PPP3R2: variants seen among roughly 807,000 people sequenced by gnomAD.
PPP3R2 encodes the protein protein phosphatase 3 regulatory subunit B, beta.
For missense variants in PPP3R2, 225 were observed against 217.4 expected (o/e 1.03, Z -0.22); for synonymous variants, 91 against 91.5 (o/e 0.99, Z 0.03).
At position 101,594,883 on chromosome 9, in the gene PPP3R2, G is replaced by C. The variant is rs780508709; in HGVS notation, c.39C>G (p.Ser13=). 71 of 1,601,314 alleles carry C rather than the reference G, an allele frequency of 4.4e-5. 1 individual carries two copies. In the South Asian group the frequency reaches 7.8e-4, roughly 18 times the overall value. ...NEASYPAEMC[S]HFDNDEIKRL... is the part of the protein sequence containing the mutation. ...TTTTAATTTCATCATTGTCAAAGTG[G>C]GAGCACATCTCCGCCGGGTAACTGG... The change falls in exon 1 of 1, where the codon TCC becomes TCG. Residue 13 remains serine, a synonymous_variant. Coordinates refer to ENST00000374806, the MANE Select transcript of PPP3R2 (RefSeq NM_147180.4).
rs57596144 is a variant in PPP3R2 at position 101,593,443 on chromosome 9, T to A, written c.*966A>T. ...TCTGCTGTGGAGACACAATTGTCAG[T>A]CTCTGCATCTGTGAGCAACAGACAT... On this transcript the variant is annotated 3_prime_UTR_variant, in exon 1 of 1. Coordinates refer to ENST00000374806, the MANE Select transcript of PPP3R2 (RefSeq NM_147180.4). 0.1 allele frequency: 15,839 copies of A among 152,290 alleles called. 879 individuals carry two copies. The highest frequency in any genetic ancestry group is 0.14 in the Middle Eastern group (42 of 294). The allele number at this position is 152,290 out of a possible 1,614,324, so 9.4% of individuals were successfully genotyped here. A position where few individuals can be genotyped will look rare whatever the true frequency, so the allele number is the denominator to read the frequency against.
Position 101,594,402 on chromosome 9 carries a change from A to G in PPP3R2, c.*7T>C. 1 of 1,585,736 alleles carries G rather than the reference A, an allele frequency of 6.3e-7. No individual in the cohort carries two copies. Among genetic ancestry groups the G allele is most frequent in the Non-Finnish European group, 8.6e-7 (1 of 1,163,630 alleles). ...AAGTTGTTGGGTGGTGCTTGTAAGA[A>G]AAAGGCTCATACGATGAGGACCAGC... is the stretch of plus-strand genomic sequence containing the variant. On this transcript the variant is annotated 3_prime_UTR_variant, in exon 1 of 1. Transcript: ENST00000374806.
chr9:101,592,393 C>G lies in PPP3R2; in HGVS notation c.*2016G>C, dbSNP rs1478111002. 6.6e-6 allele frequency: 1 copy of G among 152,148 alleles called. No individual in the cohort carries two copies. Among genetic ancestry groups the G allele is most frequent in the African/African-American group, 2.4e-5 (1 of 41,408 alleles). 9.4% of individuals were successfully genotyped at this position (152,148 alleles called of 1,614,324 possible). On this transcript the variant is annotated 3_prime_UTR_variant, in exon 1 of 1. Coordinates refer to ENST00000374806, the MANE Select transcript of PPP3R2 (RefSeq NM_147180.4). The stretch of plus-strand genomic sequence containing the variant: ...AGTTGAATGAAAGTGGAATTGTGCT[C>G]CAGGTGTGTTGCATGCCTTTTTGAA...
rs775485051 is a variant in PPP3R2 at position 101,594,804 on chromosome 9, C to T, written c.118G>A (p.Val40Met). The stretch of plus-strand genomic sequence containing the variant: ...TCCGGCAGGGACATGAACTCCTCCA[C>T]GCTCAGAGACCCTGATTTGTCCAAG... ...LDLDKSGSLS[V>M]EEFMSLPELR... Residue 40 changes from valine to methionine, a missense_variant, in exon 1 of 1, where the codon GTG becomes ATG. Transcript: ENST00000374806. 4 of 1,612,764 alleles carry T rather than the reference C, an allele frequency of 2.5e-6. No homozygotes were observed. The highest frequency in any genetic ancestry group is 1.3e-5 in the African/African-American group (1 of 74,932).
In PPP3R2 at chr9:101,594,907, G is replaced by A; in HGVS notation, c.15C>T (p.Ala5=). The change falls in exon 1 of 1, where the codon GCC becomes GCT. Residue 5 remains alanine, a synonymous_variant. Transcript: ENST00000374806. MGNE[A]SYPAEMCSHF... is the part of the protein sequence containing the mutation. The stretch of plus-strand genomic sequence containing the variant: ...GGGAGCACATCTCCGCCGGGTAACT[G>A]GCCTCGTTTCCCATTGTGGACATCT... The A allele has an allele frequency of 6.3e-7, 1 of 1,599,400 alleles. No individual in the cohort carries two copies. The highest frequency in any genetic ancestry group is 8.5e-7 in the Non-Finnish European group (1 of 1,179,642).
At position 101,594,861 on chromosome 9, in the gene PPP3R2, T is replaced by C. The variant is rs1212935879; in HGVS notation, c.61A>G (p.Lys21Glu). ...TTCTTAAACCTCCTGCCCAGCCTTT[T>C]AATTTCATCATTGTCAAAGTGGGAG... is the stretch of plus-strand genomic sequence containing the variant. ...MCSHFDNDEI[K>E]RLGRRFKKLD... Residue 21 changes from lysine (K) to glutamate (E), a missense_variant, in exon 1 of 1, where the codon AAA (lysine) becomes GAA (glutamate). Lys to Glu is a moderately conservative substitution (Grantham distance 56). Coordinates refer to ENST00000374806, the MANE Select transcript of PPP3R2 (RefSeq NM_147180.4). The C allele has an allele frequency of 6.2e-7, 1 of 1,604,438 alleles. No individual in the cohort carries two copies. The highest frequency in any genetic ancestry group is 2.2e-5 in the East Asian group (1 of 44,880).
rs200803443 is a variant in PPP3R2, at chr9:101,594,634, G to A, written c.288C>T (p.Phe96=). The change falls in exon 1 of 1, where the codon TTC becomes TTT. Residue 96 remains phenylalanine, a synonymous_variant. Coordinates refer to ENST00000374806, the MANE Select transcript of PPP3R2 (RefSeq NM_147180.4). ...CATCTTTATCCATGTCGTAAATGCT[G>A]AACGCAAACCTCAACTTCTGCTCCT... ...GDEEQKLRFA[F]SIYDMDKDGY... is the part of the protein sequence containing the mutation. 1.2e-6 allele frequency: 2 copies of A among 1,614,192 alleles called. No homozygotes were observed. The highest frequency in any genetic ancestry group is 1.7e-5 in the Admixed American group (1 of 60,022).
chr9:101,594,498 T>C lies in PPP3R2; in HGVS notation c.424A>G (p.Lys142Glu). 2 of 1,614,184 alleles carry C rather than the reference T, an allele frequency of 1.2e-6. No individual in the cohort carries two copies. Among genetic ancestry groups the C allele is most frequent in the Non-Finnish European group, 1.7e-6 (2 of 1,180,034 alleles). ...LVDKTIIILDKDGDGKISFEE... is the reference protein window; with the variant it reads ...LVDKTIIILDEDGDGKISFEE... Reference sequence around the variant, plus strand: ...AAGGATATCTTCCCATCGCCATCCTTGTCCAGGATGATGATGGTTTTGTCG... The same window carrying C: ...AAGGATATCTTCCCATCGCCATCCTCGTCCAGGATGATGATGGTTTTGTCG... Residue 142 changes from lysine to glutamate, a missense_variant, in exon 1 of 1, where the codon AAG becomes GAG. By Grantham distance (56) the Lys-to-Glu change is moderately conservative (BLOSUM62 1). Coordinates refer to ENST00000374806, the MANE Select transcript of PPP3R2 (RefSeq NM_147180.4).
Position 101,594,682 on chromosome 9 carries a change from G to A in PPP3R2, c.240C>T (p.Ser80=). The A allele has an allele frequency of 6.2e-7, 1 of 1,614,140 alleles. No individual in the cohort carries two copies. Among genetic ancestry groups the A allele is most frequent in the Non-Finnish European group, 8.5e-7 (1 of 1,180,040 alleles). Residue 80 remains serine (S), a synonymous_variant, in exon 1 of 1, where the codon TCC becomes TCT. Transcript: ENST00000374806. ...CCTCGTCGCCCTTGACGCTGAACTG[G>A]GAGGTCCCCAGGATGAATTCCTTGA... ...VDFKEFILGT[S]QFSVKGDEEQ... is the part of the protein sequence containing the mutation.
At position 101,594,834 on chromosome 9, in the gene PPP3R2, A is replaced by G. The variant is rs1564121691; in HGVS notation, c.88T>C (p.Leu30=). ...AGAGACCCTGATTTGTCCAAGTCCA[A>G]CTTCTTAAACCTCCTGCCCAGCCTT... ...IKRLGRRFKK[L]DLDKSGSLSV... Residue 30 remains leucine (L), a synonymous_variant, in exon 1 of 1, where the codon TTG becomes CTG. Transcript: ENST00000374806. The G allele has an allele frequency of 2.5e-6, 4 of 1,609,500 alleles. No homozygotes were observed. The highest frequency in any genetic ancestry group is 1.3e-5 in the African/African-American group (1 of 75,046).
chr9:101,594,543 A>G lies in PPP3R2; in HGVS notation c.379T>C (p.Trp127Arg), dbSNP rs989671822. Residue 127 changes from tryptophan (W) to arginine (R), a missense_variant, in exon 1 of 1, where the codon TGG becomes CGG. Trp to Arg is a moderately radical substitution (Grantham distance 101). Coordinates refer to ENST00000374806, the MANE Select transcript of PPP3R2 (RefSeq NM_147180.4). ...KMMVGNNLTD[W>R]QLQQLVDKTI... ...TTGTCGACCAGCTGCTGGAGCTGCC[A>G]GTCCGTCAGGTTGTTGCCCACCATC... The G allele has an allele frequency of 5.6e-6, 9 of 1,614,054 alleles. No homozygotes were observed. The African/African-American group carries it at 8.0e-5, about 14-fold the overall frequency.
Position 101,594,186 on chromosome 9 carries a change from A to G in PPP3R2, c.*223T>C, listed in dbSNP as rs1828074548. On this transcript the variant is annotated 3_prime_UTR_variant, in exon 1 of 1. Coordinates refer to ENST00000374806, the MANE Select transcript of PPP3R2 (RefSeq NM_147180.4). ...AGCCATTTCCTTTTCTTTCCCCACT[A>G]TGCTCATTTGACTTGCTCTTCCCCC... 1 of 496,676 alleles carries G rather than the reference A, an allele frequency of 2.0e-6. No homozygotes were observed. Among genetic ancestry groups the G allele is most frequent in the Admixed American group, 3.8e-5 (1 of 26,562 alleles). 30.8% of individuals were successfully genotyped at this position (496,676 alleles called of 1,614,324 possible).
chr9:101,592,754 C>CTTTTTT lies in PPP3R2; in HGVS notation c.*1649_*1654dup, dbSNP rs11331695. The CTTTTTT allele has an allele frequency of 7.0e-6, 1 of 143,178 alleles. No individual in the cohort carries two copies. The highest frequency in any genetic ancestry group is 1.5e-5 in the Non-Finnish European group (1 of 65,124). 8.9% of individuals were successfully genotyped at this position (143,178 alleles called of 1,614,324 possible). On this transcript the variant is annotated 3_prime_UTR_variant, in exon 1 of 1. Coordinates refer to ENST00000374806, the MANE Select transcript of PPP3R2 (RefSeq NM_147180.4). ...CCCTACAAGTGATTAAATTTGTGGA[C>CTTTTTT]TTTTTTTTTTTTTTTCTATTTTGGT... is the stretch of plus-strand genomic sequence containing the variant.
Position 101,594,896 on chromosome 9 carries a change from G to C in PPP3R2, c.26C>G (p.Ala9Gly), listed in dbSNP as rs1336161046. ...ATTGTCAAAGTGGGAGCACATCTCC[G>C]CCGGGTAACTGGCCTCGTTTCCCAT... Reference protein sequence around the residue: MGNEASYPAEMCSHFDNDE... With the variant: MGNEASYPGEMCSHFDNDE... Residue 9 changes from alanine to glycine, a missense_variant, in exon 1 of 1, where the codon GCG (alanine) becomes GGG (glycine). By Grantham distance (60) the Ala-to-Gly change is moderately conservative. Transcript: ENST00000374806. 2 of 1,600,214 alleles carry C rather than the reference G, an allele frequency of 1.2e-6. No individual in the cohort carries two copies. Among genetic ancestry groups the C allele is most frequent in the South Asian group, 1.1e-5 (1 of 91,064 alleles).
Position 101,593,328 on chromosome 9 carries a change from G to T in PPP3R2, c.*1081C>A, listed in dbSNP as rs41282159. ...CACTGAATGTTCCACTAGGGAAAAG[G>T]CTTCCTGGAATGAGAGAGCTCTCAG... On this transcript the variant is annotated 3_prime_UTR_variant, in exon 1 of 1. Coordinates refer to ENST00000374806, the MANE Select transcript of PPP3R2 (RefSeq NM_147180.4). 1 of 152,176 alleles carries T rather than the reference G, an allele frequency of 6.6e-6. No individual in the cohort carries two copies. Among genetic ancestry groups the T allele is most frequent in the Admixed American group, 6.5e-5 (1 of 15,278 alleles). The allele number at this position is 152,176 out of a possible 1,614,324, so 9.4% of individuals were successfully genotyped here.
chr9:101,594,579 C>T lies in PPP3R2; in HGVS notation c.343G>A (p.Val115Met). ...TTGTTGCCCACCATCATCTTCAGCA[C>T]CTGGAAGAGCTCCCCGTTGGAAATG... ...GYISNGELFQ[V>M]LKMMVGNNLT... Residue 115 changes from valine to methionine, a missense_variant, in exon 1 of 1, where the codon GTG (valine) becomes ATG (methionine). Val to Met is a conservative substitution (Grantham distance 21). Coordinates refer to ENST00000374806, the MANE Select transcript of PPP3R2 (RefSeq NM_147180.4). The T allele has an allele frequency of 6.2e-7, 1 of 1,614,170 alleles. No homozygotes were observed. Among genetic ancestry groups the T allele is most frequent in the African/African-American group, 1.3e-5 (1 of 75,024 alleles).
rs923874675 is a variant in PPP3R2 at position 101,591,841 on chromosome 9, T to C, written c.*2568A>G. The C allele has an allele frequency of 7.2e-5, 11 of 152,268 alleles. No individual in the cohort carries two copies. The highest frequency in any genetic ancestry group is 2.7e-4 in the African/African-American group (11 of 41,472). 9.4% of individuals were successfully genotyped at this position (152,268 alleles called of 1,614,324 possible). A position where few individuals can be genotyped will look rare whatever the true frequency, so the allele number is the denominator to read the frequency against. ...CTTAGGTAACTATCTTGAGTAGATT[T>C]ATTGAACAATTAGCTTGTAAATTCC... On this transcript the variant is annotated 3_prime_UTR_variant, in exon 1 of 1. Transcript: ENST00000374806.
chr9:101,594,378 A>G lies in PPP3R2; in HGVS notation c.*31T>C, dbSNP rs1209327946. 6.4e-7 allele frequency: 1 copy of G among 1,554,212 alleles called. No individual in the cohort carries two copies. The highest frequency in any genetic ancestry group is 1.4e-5 in the African/African-American group (1 of 72,990). ...TGAAAGAGATAGGGAAGAAAGCAGA[A>G]GTTGTTGGGTGGTGCTTGTAAGAAA... On this transcript the variant is annotated 3_prime_UTR_variant, in exon 1 of 1. Coordinates refer to ENST00000374806, the MANE Select transcript of PPP3R2 (RefSeq NM_147180.4).
chr9:101,592,573 AACATT>A lies in PPP3R2; in HGVS notation c.*1831_*1835del, dbSNP rs1828045589. On this transcript the variant is annotated 3_prime_UTR_variant, in exon 1 of 1. Transcript: ENST00000374806. ...AAACCCAGGTGTGTCTGAATCTTTGAACATTACATAACCCTGATCACCACAGGGTT... is the reference window on the plus strand; with the variant it reads ...AAACCCAGGTGTGTCTGAATCTTTGAACATAACCCTGATCACCACAGGGTT... The A allele has an allele frequency of 6.6e-6, 1 of 152,190 alleles. No individual in the cohort carries two copies. The highest frequency in any genetic ancestry group is 1.5e-5 in the Non-Finnish European group (1 of 68,038). 9.4% of individuals were successfully genotyped at this position (152,190 alleles called of 1,614,324 possible).
Sources: gnomAD v4.1 joint callset for allele counts on GRCh38, gnomAD v4.1.1 for gene constraint, MANE v1.5 for transcripts, NCBI Gene and HGNC (gene_info 2026-07-23, HGNC 2026-07-21) for gene names.